PKN2: variants seen among roughly 807,000 people sequenced by gnomAD.
The protein encoded by PKN2 is serine/threonine-protein kinase N2.
In PKN2, 38 loss-of-function variants were observed where a neutral mutation model predicts 119.1. The ratio of observed to expected loss-of-function variants is 0.32; its 90% CI spans 0.25 to 0.42. PKN2 has a LOEUF of 0.42. Ranked by LOEUF, PKN2 falls within the 10% of genes least tolerant of loss-of-function variation. The probability of loss-of-function intolerance (pLI) is 1.00; values close to 1 mark genes in which losing one functional copy is unlikely to be tolerated. For missense variants in PKN2, 850 were observed against 1,165.1 expected, an observed-to-expected ratio of 0.73 and a Z score of 3.94; for synonymous variants, 390 against 384.9, an observed-to-expected ratio of 1.01 and a Z score of -0.15.
At chr1:88,723,167 GC>G (rs1433379319) in intron 1 of PKN2, among the ~76,000 whole-genome samples, 7 of 150,996 alleles carry the variant, frequency 4.6e-5, no homozygotes, top group African/African-American at 1.7e-4. Context: ...AGGCTGGAGT[GC>G]AGTGGCTCAA....
chr1:88,756,716 G>A lies in PKN2; in HGVS notation c.350-3506G>A, dbSNP rs374022907. Among the ~76,000 whole-genome samples the A allele has an allele frequency of 3.9e-5, 6 of 152,246 alleles. No individual in the cohort carries two copies. In the South Asian group the frequency reaches 8.3e-4, roughly 21 times the overall value. On this transcript the variant is annotated intron_variant, in intron 2 of 21. Transcript: ENST00000370521. Reference sequence around the variant, plus strand: ...AAGAAAGAAAATTAAAATGTTCCCAGATCTGAACTGTTCAGTCATTGTTAT... The same window carrying A: ...AAGAAAGAAAATTAAAATGTTCCCAAATCTGAACTGTTCAGTCATTGTTAT...
chr1:88,694,259 C>CT (rs1486535122), intron 1 of PKN2, among the ~76,000 whole-genome samples: 2 of 152,174 alleles, frequency 1.3e-5, no homozygotes, highest in African/African-American at 4.8e-5. Context: ...AGCTTATTCT[C>CT]TGTGTTCTAC....
intron 6 of PKN2, among the ~76,000 whole-genome samples, chr1:88,775,018 A>T (rs1170816658): frequency 6.6e-6 from 1 of 152,072 alleles, no homozygotes; most frequent in African/African-American, 2.4e-5. Context: ...CTCTATTCTT[A>T]CTTTTCTTAT....
At chr1:88,705,707 A>G (rs1570502624) in intron 1 of PKN2, among the ~76,000 whole-genome samples, 1 of 152,004 alleles carries the variant, frequency 6.6e-6, no homozygotes, top group Admixed American at 6.6e-5. Context: ...GCAAAAATAT[A>G]TATATATATA....
intron 3 of PKN2, among the ~76,000 whole-genome samples, chr1:88,762,674 A>T (rs1669496244): frequency 6.6e-6 from 1 of 152,180 alleles, no homozygotes; most frequent in African/African-American, 2.4e-5. Context: ...TTAAAAGGAG[A>T]TATATCACAT....
intron 3 of PKN2, among the ~76,000 whole-genome samples, chr1:88,768,854 GA>G (rs1392179981): frequency 6.6e-6 from 1 of 152,212 alleles, no homozygotes; most frequent in Non-Finnish European, 1.5e-5. Context: ...GTACAAGAAG[GA>G]TGGTGCTGGC....
At chr1:88,776,806 T>C (rs1670128684) in intron 6 of PKN2, among the ~76,000 whole-genome samples, 1 of 152,194 alleles carries the variant, frequency 6.6e-6, no homozygotes, top group Non-Finnish European at 1.5e-5. Context: ...AAATCCACTG[T>C]TAATGTTACT....
intron 2 of PKN2, among the ~76,000 whole-genome samples, chr1:88,747,065 A>G (rs1166819392): frequency 2.0e-5 from 3 of 152,290 alleles, no homozygotes; most frequent in Non-Finnish European, 4.4e-5. Flanking sequence ...TCATTGACGT[A>G]GAAGAGAATG....
chr1:88,730,589 A>C (rs1016662569), intron 1 of PKN2, among the ~76,000 whole-genome samples: 15 of 152,338 alleles, frequency 9.8e-5, no homozygotes, highest in Middle Eastern at 3.4e-3. Context: ...TTCTGGCTGC[A>C]GGAGAGCCTG....
intron 1 of PKN2, among the ~76,000 whole-genome samples, chr1:88,688,058 C>T (rs957576394): frequency 2.7e-5 from 4 of 149,968 alleles, no homozygotes; most frequent in Non-Finnish European, 4.4e-5. Flanking sequence ...GAGTTTGAAC[C>T]CAGGTCTGTA....
intron 6 of PKN2, chr1:88,781,225 C>T (rs185646715): frequency 1.8e-6 from 2 of 1,086,062 alleles, no homozygotes; most frequent in African/African-American, 3.3e-5. Flanking sequence ...GTCTCATACT[C>T]CAGTTTCTTT....
chr1:88,828,719 A>AG, intron 19 of PKN2, 96 bp downstream of exon 19: 1 of 999,848 alleles, frequency 1.0e-6, no homozygotes, highest in Non-Finnish European at 1.4e-6. Flanking sequence ...CTTCAGTATG[A>AG]GTGGAATTTA....
At chr1:88,762,238 A>G (rs1012919619) in intron 3 of PKN2, among the ~76,000 whole-genome samples, 2 of 152,214 alleles carry the variant, frequency 1.3e-5, no homozygotes, top group Admixed American at 1.3e-4. Context: ...AGATAACCTA[A>G]AACAACCACA....
rs113104861 is a variant in PKN2 at position 88,719,395 on chromosome 1, A to G, written c.49-21593A>G. 9.1e-3 allele frequency among the ~76,000 whole-genome samples: 1,380 copies of G among 152,298 alleles called. 12 individuals are homozygous for G. Among genetic ancestry groups the G allele is most frequent in the Non-Finnish European group, 0.013 (918 of 68,006 alleles). On this transcript the variant is annotated intron_variant, in intron 1 of 21. Transcript: ENST00000370521. Reference sequence around the variant, plus strand: ...CTTTTATTTCTTCAGTCTAATGAGTAAAACAAAACATTTAATGAGAAGCCC... The same window carrying G: ...CTTTTATTTCTTCAGTCTAATGAGTGAAACAAAACATTTAATGAGAAGCCC...
intron 6 of PKN2, among the ~76,000 whole-genome samples, chr1:88,772,965 C>T (rs1245541606): frequency 2.0e-5 from 3 of 151,866 alleles, no homozygotes; most frequent in Non-Finnish European, 2.9e-5. Context: ...TTTTTGTTTC[C>T]TATATTGTGG....
intron 15 of PKN2, 85 bp downstream of exon 15, chr1:88,807,860 A>G (rs1671613906): frequency 4.1e-6 from 3 of 734,428 alleles, no homozygotes; most frequent in South Asian, 3.7e-5. Flanking sequence ...GCAAAACTTT[A>G]TGATTTTACA....
chr1:88,735,596 C>T, intron 1 of PKN2, among the ~76,000 whole-genome samples: 2 of 21,348 alleles, frequency 9.4e-5, no homozygotes, highest in Non-Finnish European at 1.0e-4. Context: ...TCTTGGTTGA[C>T]AGCCCACCCC....
At chr1:88,699,525 G>C (rs1057431841) in intron 1 of PKN2, among the ~76,000 whole-genome samples, 1 of 152,046 alleles carries the variant, frequency 6.6e-6, no homozygotes, top group Non-Finnish European at 1.5e-5. Flanking sequence ...CATCACCTGG[G>C]TATTAAGCCC....
At chr1:88,689,515 A>G (rs1666246668) in intron 1 of PKN2, among the ~76,000 whole-genome samples, 1 of 152,096 alleles carries the variant, frequency 6.6e-6, no homozygotes, top group South Asian at 2.1e-4. Context: ...GGCTTTATTA[A>G]GAAGAAAAGT....
Sources: gnomAD v4.1 joint callset for allele counts (sites outside exome capture counted in the v4.1 genomes callset) on GRCh38, gnomAD v4.1.1 for gene constraint, MANE v1.5 for transcripts, NCBI Gene and HGNC (gene_info 2026-07-23, HGNC 2026-07-21) for gene names.